The following TRPS1 variants were observed in gnomAD, a reference collection of about 807,000 sequenced individuals.
TRPS1 encodes zinc finger transcription factor Trps1.
In TRPS1, 6 loss-of-function variants were observed where a neutral mutation model predicts 101.2. That is an observed-to-expected ratio of 0.06 (90% CI 0.03 to 0.12). The LOEUF (loss-of-function observed/expected upper bound fraction) is 0.12, where lower values mean the gene tolerates loss of function less well. TRPS1 is among the 10% of genes least tolerant of loss of function. The probability of loss-of-function intolerance (pLI) is 1.00; values close to 1 mark genes in which losing one functional copy is unlikely to be tolerated. For missense variants in TRPS1, 1,363 were observed against 1,567.0 expected (o/e 0.87, Z 2.20); for synonymous variants, 578 against 589.8 (o/e 0.98, Z 0.29).
intron 5 of TRPS1, among the ~76,000 whole-genome samples, chr8:115,561,708 T>C (rs1264600205): frequency 6.6e-6 from 1 of 151,934 alleles, no homozygotes; most frequent in Non-Finnish European, 1.5e-5. Flanking sequence ...AGCTACTGGC[T>C]CCAGTCATGC....
intron 5 of TRPS1, among the ~76,000 whole-genome samples, chr8:115,490,448 G>A (rs553221858): frequency 1.2e-4 from 19 of 152,108 alleles, no homozygotes; most frequent in Non-Finnish European, 2.2e-4. Flanking sequence ...TGTAATACAT[G>A]TAATTTTGCA....
chr8:115,658,177 T>C (rs1353299083), intron 1 of TRPS1, among the ~76,000 whole-genome samples: 1 of 152,094 alleles, frequency 6.6e-6, no homozygotes, highest in Non-Finnish European at 1.5e-5. Flanking sequence ...TGTAACCCAG[T>C]CAGAGGATTT....
At chr8:115,598,659 T>C (rs1817841640) in intron 4 of TRPS1, among the ~76,000 whole-genome samples, 1 of 152,168 alleles carries the variant, frequency 6.6e-6, no homozygotes, top group Admixed American at 6.6e-5. Flanking sequence ...TTGGATTTGC[T>C]CAGATGTTTC....
At chr8:115,421,230 C>A (rs1265121245) in intron 5 of TRPS1, among the ~76,000 whole-genome samples, 1 of 152,054 alleles carries the variant, frequency 6.6e-6, no homozygotes, top group Non-Finnish European at 1.5e-5. Flanking sequence ...AGTGATCTGC[C>A]CGCCTCGGCC....
chr8:115,564,379 A>T (rs1207135685), intron 5 of TRPS1, among the ~76,000 whole-genome samples: 1 of 152,014 alleles, frequency 6.6e-6, no homozygotes, highest in Non-Finnish European at 1.5e-5. Context: ...TTGTTTTTCA[A>T]GTAAATTGTA....
chr8:115,637,931 T>C (rs2130578244), intron 1 of TRPS1, among the ~76,000 whole-genome samples: 1 of 152,334 alleles, frequency 6.6e-6, no homozygotes, highest in East Asian at 1.9e-4. Flanking sequence ...ATTATAATTC[T>C]TAAGTTCTTA....
At chr8:115,605,097 A>C (rs767848764) in intron 3 of TRPS1, 95 bp from the exon 4 acceptor site, 7 of 1,139,100 alleles carry the variant, frequency 6.1e-6, no homozygotes, top group Non-Finnish European at 9.1e-6. Flanking sequence ...AGTATTCCAC[A>C]TCAAAAAATA....
At chr8:115,510,751 CTTTA>C (rs1372987304) in intron 5 of TRPS1, among the ~76,000 whole-genome samples, 1 of 151,878 alleles carries the variant, frequency 6.6e-6, no homozygotes, top group Non-Finnish European at 1.5e-5. Flanking sequence ...TGTCACGTTG[CTTTA>C]TTTGTCAATA....
At chr8:115,552,915 A>C (rs1318256931) in intron 5 of TRPS1, among the ~76,000 whole-genome samples, 3 of 152,110 alleles carry the variant, frequency 2.0e-5, no homozygotes, top group African/African-American at 7.2e-5. Flanking sequence ...TCATCCAAGA[A>C]ATAACTAATT....
At chr8:115,634,294 T>A (rs904686610) in intron 1 of TRPS1, among the ~76,000 whole-genome samples, 1 of 152,184 alleles carries the variant, frequency 6.6e-6, no homozygotes, top group Non-Finnish European at 1.5e-5. Context: ...ATTAGTTGAC[T>A]GATCCCCAAT....
chr8:115,441,823 G>A (rs1813599719), intron 5 of TRPS1, among the ~76,000 whole-genome samples: 1 of 151,634 alleles, frequency 6.6e-6, no homozygotes, highest in South Asian at 2.1e-4. Flanking sequence ...CTTTTTTGGT[G>A]AACCAGACTT....
At position 115,414,618 on chromosome 8, in the gene TRPS1, C is replaced by T. The variant is rs775370294; in HGVS notation, c.3290G>A (p.Gly1097Asp). The change falls in exon 7 of 7, where the codon GGC (glycine) becomes GAC (aspartate). Residue 1097 changes from glycine to aspartate, a missense_variant. Around this residue, in one of 5 missense-constraint regions of TRPS1, gnomAD observed 307 missense variants for 392.4 expected, o/e 0.78. Transcript: ENST00000395715. This position sits in a 1 kb window ranked among gnomAD's most constrained non-coding sequence, Gnocchi z 4.8. Reference sequence around the variant, plus strand: ...GTACTGGTACTTTTCAATAGGGCTGCCTGGTGGTGAATAATTTGGGTGTTT... The same window carrying T: ...GTACTGGTACTTTTCAATAGGGCTGTCTGGTGGTGAATAATTTGGGTGTTT... ...PAKHPNYSPP[G>D]SPIEKYQYPL... The T allele has an allele frequency of 6.2e-7, 1 of 1,613,824 alleles. No homozygotes were observed.
chr8:115,412,275 T>C lies in TRPS1; in HGVS notation c.*1748A>G, dbSNP rs1812808960. 1 of 152,428 alleles carries C rather than the reference T, an allele frequency of 6.6e-6. No individual in the cohort carries two copies. The highest frequency in any genetic ancestry group is 1.5e-5 in the Non-Finnish European group (1 of 67,964). 9.4% of individuals were successfully genotyped at this position (152,428 alleles called of 1,614,324 possible). A position where few individuals can be genotyped will look rare whatever the true frequency, so the allele number is the denominator to read the frequency against. On this transcript the variant is annotated 3_prime_UTR_variant, in exon 7 of 7. Transcript: ENST00000395715. ...ATTTCCTTCTTGTTTTCCATACCAT[T>C]ATAGCAAGAACTTTCATTTGTTTCA...
At chr8:115,573,961 C>T (rs890757084) in intron 5 of TRPS1, among the ~76,000 whole-genome samples, 1 of 152,152 alleles carries the variant, frequency 6.6e-6, no homozygotes, top group Admixed American at 6.5e-5. Flanking sequence ...GTTTTCTCAA[C>T]ACAATGTGAT....
chr8:115,544,033 A>T (rs1816515023), intron 5 of TRPS1, among the ~76,000 whole-genome samples: 1 of 152,030 alleles, frequency 6.6e-6, no homozygotes, highest in African/African-American at 2.4e-5. Flanking sequence ...ATGTATTTAG[A>T]CATAAAATAA....
chr8:115,510,187 G>A (rs1045519283), intron 5 of TRPS1, among the ~76,000 whole-genome samples: 8 of 151,830 alleles, frequency 5.3e-5, no homozygotes, highest in African/African-American at 1.5e-4. Context: ...CAATTCAATC[G>A]TACATATCCT....
chr8:115,501,688 A>T (rs1221880796), intron 5 of TRPS1, among the ~76,000 whole-genome samples: 1 of 152,212 alleles, frequency 6.6e-6, no homozygotes, highest in Non-Finnish European at 1.5e-5. Flanking sequence ...CTTTGTAAAT[A>T]GTACAGCTTT....
At chr8:115,530,387 A>T (rs529240418) in intron 5 of TRPS1, among the ~76,000 whole-genome samples, 34 of 152,250 alleles carry the variant, frequency 2.2e-4, no homozygotes, top group Non-Finnish European at 4.3e-4. Context: ...TTGGGAGAAA[A>T]TAGGCCAGTA....
intron 6 of TRPS1, among the ~76,000 whole-genome samples, chr8:115,416,852 A>G (rs1371738755): frequency 6.6e-6 from 1 of 152,138 alleles, no homozygotes; most frequent in Non-Finnish European, 1.5e-5. Flanking sequence ...CAGGTTTACA[A>G]AGAGTTCATA....
Sources: allele counts gnomAD v4.1 joint callset (sites outside exome capture counted in the v4.1 genomes callset), GRCh38; gene constraint gnomAD v4.1.1; regional missense constraint gnomAD v4.1.1; non-coding constraint Gnocchi (gnomAD v3.1); transcripts MANE v1.5; gene names NCBI Gene and HGNC (gene_info 2026-07-23, HGNC 2026-07-21).